Variants in GSDMA observed in about 807,000 individuals in gnomAD.
GSDMA encodes the protein gasdermin A.
A neutral mutation model predicts 54.3 loss-of-function variants in GSDMA; 55 were observed. The ratio of observed to expected loss-of-function variants is 1.01; its 90% CI spans 0.82 to 1.27. The LOEUF is 1.27. Among genes scored for constraint, GSDMA ranks in the 50% most tolerant of loss-of-function variants. The pLI, the probability that GSDMA is intolerant of heterozygous loss-of-function variation, is 0.00. For synonymous variants in GSDMA, 211 were observed against 224.7 expected, an observed-to-expected ratio of 0.94 and a Z score of 0.54; for missense variants, 542 against 542.6, an observed-to-expected ratio of 1.00 and a Z score of 0.01.
chr17:39,976,743 T>C, intron 11 of GSDMA, 73 bp from the exon 12 acceptor site: 1 of 1,577,186 alleles, frequency 6.3e-7, no homozygotes, highest in Non-Finnish European at 8.6e-7. Flanking sequence ...GTAACCTTCT[T>C]GTGATTTTTG....
chr17:39,975,922 A>G lies in GSDMA; in HGVS notation c.1022-2A>G, dbSNP rs768836591. 3.4e-5 allele frequency: 54 copies of G among 1,593,668 alleles called. No homozygotes were observed. The East Asian group carries it at 1.2e-3, about 36-fold the overall frequency. ...ACATCTTTCTCTGCTTTTTTTCTCC[A>G]GAGCTAAGTGAAGCCCAACAGAAGC... On this transcript the variant is annotated splice_acceptor_variant, in intron 10 of 11. Coordinates refer to ENST00000301659, the MANE Select transcript of GSDMA (RefSeq NM_178171.5). LOFTEE classifies it high-confidence loss of function.
At chr17:39,971,723 G>A (rs776507366) in intron 5 of GSDMA, 103 bp downstream of exon 5, 4 of 813,846 alleles carry the variant, frequency 4.9e-6, no homozygotes, top group Non-Finnish European at 8.2e-6. Flanking sequence ...AATGAGTAGG[G>A]GGGTGTATTG....
chr17:39,971,132 C>T (rs1261720451), intron 4 of GSDMA, among the ~76,000 whole-genome samples: 1 of 152,104 alleles, frequency 6.6e-6, no homozygotes, highest in Non-Finnish European at 1.5e-5. Flanking sequence ...AGGGGTTAGT[C>T]ATGGAAGGCG....
intron 7 of GSDMA, 144 bp downstream of exon 7, chr17:39,972,757 T>C: frequency 3.7e-6 from 3 of 817,482 alleles, no homozygotes; most frequent in South Asian, 1.5e-5. Flanking sequence ...TGGCAGAAAT[T>C]CCAATAGCTT....
In GSDMA at chr17:39,976,950, A is replaced by T. The variant is rs781492843; in HGVS notation, c.1230A>T (p.Glu410Asp). The T allele has an allele frequency of 1.9e-6, 3 of 1,613,988 alleles. No individual in the cohort carries two copies. The South Asian group carries it at 3.3e-5, about 18-fold the overall frequency. The change falls in exon 12 of 12, where the codon GAA (glutamate) becomes GAT (aspartate). Residue 410 changes from glutamate to aspartate, a missense_variant. Coordinates refer to ENST00000301659, the MANE Select transcript of GSDMA (RefSeq NM_178171.5). ...CTCTAGTCGGGCTGAGTGGCCTGGA[A>T]GTGCAGAGATCGGGCCCCCAATATA... The part of the protein sequence containing the change: ...TEALVGLSGL[E>D]VQRSGPQYMW...
intron 3 of GSDMA, 90 bp from the exon 4 acceptor site, chr17:39,970,392 T>C: frequency 8.0e-7 from 1 of 1,249,518 alleles, no homozygotes; most frequent in Non-Finnish European, 1.1e-6. Flanking sequence ...CCACAATGTC[T>C]AGTTCCTGGG....
At chr17:39,970,964 T>C (rs1197312293) in intron 4 of GSDMA, among the ~76,000 whole-genome samples, 5 of 152,176 alleles carry the variant, frequency 3.3e-5, no homozygotes, top group Admixed American at 1.3e-4. Context: ...GAGACATCTT[T>C]ACTCTCGGAA....
chr17:39,968,657 T>C (rs1034474746), intron 3 of GSDMA, among the ~76,000 whole-genome samples: 1 of 152,104 alleles, frequency 6.6e-6, no homozygotes, highest in Non-Finnish European at 1.5e-5. Flanking sequence ...CAAGACACTG[T>C]TCTTCTATCC....
intron 1 of GSDMA, 137 bp from the exon 2 acceptor site, chr17:39,965,546 A>C: frequency 1.6e-6 from 1 of 639,084 alleles, no homozygotes; most frequent in Non-Finnish European, 2.8e-6. Context: ...GTGACATGAG[A>C]CAATCCAGGC....
Position 39,977,115 on chromosome 17 carries a change from G to T in GSDMA, c.*57G>T. The T allele has an allele frequency of 6.3e-7, 1 of 1,593,820 alleles. No homozygotes were observed. Among genetic ancestry groups the T allele is most frequent in the Non-Finnish European group, 8.6e-7 (1 of 1,166,854 alleles). On this transcript the variant is annotated 3_prime_UTR_variant, in exon 12 of 12. Transcript: ENST00000301659. The stretch of plus-strand genomic sequence containing the variant: ...AATGCCTTCCCAACCTCGTGGTGCT[G>T]TGTCCTTACCACCTAAGGGCATTTC...
intron 9 of GSDMA, 118 bp from the exon 10 acceptor site, chr17:39,974,782 C>T (rs574680582): frequency 5.8e-6 from 4 of 691,556 alleles, no homozygotes; most frequent in African/African-American, 1.8e-5. Context: ...CATGAGGCCT[C>T]GAAAAAGAAA....
intron 6 of GSDMA, 45 bp from the exon 7 acceptor site, chr17:39,972,542 A>C (rs751724004): frequency 8.7e-6 from 14 of 1,603,342 alleles, no homozygotes; most frequent in Admixed American, 1.7e-5. Context: ...TGAAAAGGCA[A>C]AAATGGGTTT....
chr17:39,964,428 G>A (rs374470437), intron 1 of GSDMA, among the ~76,000 whole-genome samples: 8 of 152,070 alleles, frequency 5.3e-5, no homozygotes, highest in African/African-American at 4.8e-5. Flanking sequence ...AATTAGCCAG[G>A]CGTGGTGGCA....
chr17:39,976,827 G>A lies in GSDMA; in HGVS notation c.1107G>A (p.Thr369=), dbSNP rs201198563. The change falls in exon 12 of 12, where the codon ACG becomes ACA. Residue 369 remains threonine, a synonymous_variant. Coordinates refer to ENST00000301659, the MANE Select transcript of GSDMA (RefSeq NM_178171.5). ...TTGATTCCCTCCAGGTGGAGAGCAC[G>A]ATGGAACAGAACTTCCTGCTGGATA... ...LPVQLKLVES[T]MEQNFLLDKE... 5.0e-5 allele frequency: 80 copies of A among 1,613,964 alleles called. No individual in the cohort carries two copies. Among genetic ancestry groups the A allele is most frequent in the Middle Eastern group, 3.3e-4 (2 of 6,062 alleles).
intron 5 of GSDMA, 29 bp from the exon 6 acceptor site, chr17:39,972,100 T>TGGGG: frequency 4.8e-6 from 4 of 835,050 alleles, no homozygotes; most frequent in Non-Finnish European, 2.0e-6. Flanking sequence ...CTAAGTGTCC[T>TGGGG]CCCACCCTCC....
chr17:39,975,202 A>G (rs1980149455), intron 10 of GSDMA, among the ~76,000 whole-genome samples, 188 bp downstream of exon 10: 1 of 152,218 alleles, frequency 6.6e-6, no homozygotes, highest in Admixed American at 6.5e-5. Flanking sequence ...TAATCCCAGC[A>G]CTTTGGGAGG....
chr17:39,972,162 C>A lies in GSDMA; in HGVS notation c.689C>A (p.Thr230Asn), dbSNP rs770178104. 1.8e-5 allele frequency: 24 copies of A among 1,335,574 alleles called. No individual in the cohort carries two copies. The highest frequency in any genetic ancestry group is 2.2e-5 in the Non-Finnish European group (22 of 1,010,298). The allele number at this position is 1,335,574 out of a possible 1,614,324, so 82.7% of individuals were successfully genotyped here. A position where few individuals can be genotyped will look rare whatever the true frequency, so the allele number is the denominator to read the frequency against. Residue 230 changes from threonine (T) to asparagine (N), a missense_variant, in exon 6 of 12, where the codon ACC (threonine) becomes AAC (asparagine). Coordinates refer to ENST00000301659, the MANE Select transcript of GSDMA (RefSeq NM_178171.5). ...CATATCTGCAATGATAACATGCAAACCTTCCCTCCTGGAGGTAAGTGAAAT... is the reference window on the plus strand; with the variant it reads ...CATATCTGCAATGATAACATGCAAAACTTCCCTCCTGGAGGTAAGTGAAAT... The part of the protein sequence containing the change: ...IPHICNDNMQ[T>N]FPPGEKSGEE...
intron 2 of GSDMA, 132 bp downstream of exon 2, chr17:39,966,033 A>G: frequency 1.2e-6 from 1 of 855,556 alleles, no homozygotes; most frequent in Non-Finnish European, 1.8e-6. Flanking sequence ...AGTCATCATC[A>G]GGAGCTGAGG....
At chr17:39,968,710 G>A (rs557101474) in intron 3 of GSDMA, among the ~76,000 whole-genome samples, 5 of 152,288 alleles carry the variant, frequency 3.3e-5, no homozygotes, top group African/African-American at 4.8e-5. Context: ...GGAAGGGCAA[G>A]AGGAGTGAAG....
Sources: allele counts gnomAD v4.1 joint callset (sites outside exome capture counted in the v4.1 genomes callset), GRCh38; gene constraint gnomAD v4.1.1; transcripts MANE v1.5; gene names NCBI Gene and HGNC (gene_info 2026-07-23, HGNC 2026-07-21).